The following NKAIN3 variants were observed in gnomAD, a reference collection of about 807,000 sequenced individuals.
The protein encoded by NKAIN3 is sodium/potassium-transporting ATPase subunit beta-1-interacting protein 3.
In NKAIN3, 25 loss-of-function variants were observed where a neutral mutation model predicts 30.2. The observed-to-expected ratio is 0.83, with a 90% CI of 0.60 to 1.16. NKAIN3 has a LOEUF of 1.16. NKAIN3 is among the 50% of genes most tolerant of loss of function. NKAIN3 has a pLI of 0.00. For synonymous variants in NKAIN3, 91 were observed against 89.6 expected (o/e 1.02, Z -0.09); for missense variants, 225 against 254.1 (o/e 0.89, Z 0.78).
At chr8:62,452,941 A>G (rs965487343) in intron 1 of NKAIN3, among the ~76,000 whole-genome samples, 6 of 152,196 alleles carry the variant, frequency 3.9e-5, no homozygotes, top group Non-Finnish European at 7.3e-5. Flanking sequence ...ATCACTCGGC[A>G]TAATGGATTC....
chr8:62,666,974 A>C (rs1457406057), intron 3 of NKAIN3, among the ~76,000 whole-genome samples: 1 of 152,070 alleles, frequency 6.6e-6, no homozygotes, highest in African/African-American at 2.4e-5. Context: ...AGGATATATA[A>C]AAAATTTAAC....
At chr8:62,812,529 C>A (rs1818522704) in intron 4 of NKAIN3, among the ~76,000 whole-genome samples, 1 of 151,732 alleles carries the variant, frequency 6.6e-6, no homozygotes, top group Non-Finnish European at 1.5e-5. Context: ...TTATAATTTA[C>A]AGCATAAAGA....
chr8:62,649,433 A>G (rs1263395951), intron 3 of NKAIN3, among the ~76,000 whole-genome samples: 1 of 152,188 alleles, frequency 6.6e-6, no homozygotes, highest in Non-Finnish European at 1.5e-5. Context: ...TGCTGGAACA[A>G]TTGGTAAAGA....
chr8:62,710,432 G>T (rs1586115444), intron 3 of NKAIN3, among the ~76,000 whole-genome samples: 2 of 152,024 alleles, frequency 1.3e-5, no homozygotes, highest in African/African-American at 4.8e-5. Context: ...TTAGGGTTTT[G>T]ATATTTTCCT....
At chr8:62,728,195 C>G (rs1815319484) in intron 3 of NKAIN3, among the ~76,000 whole-genome samples, 1 of 151,816 alleles carries the variant, frequency 6.6e-6, no homozygotes, top group African/African-American at 2.4e-5. Flanking sequence ...AAATGCAAAA[C>G]TATATACTCC....
intron 4 of NKAIN3, among the ~76,000 whole-genome samples, chr8:62,810,804 T>C (rs1206044610): frequency 6.6e-6 from 1 of 152,138 alleles, no homozygotes; most frequent in Non-Finnish European, 1.5e-5. Context: ...AGATTACTTT[T>C]AATTTCTTCC....
At chr8:62,960,353 CT>C (rs1456057542) in intron 6 of NKAIN3, among the ~76,000 whole-genome samples, 2 of 152,086 alleles carry the variant, frequency 1.3e-5, no homozygotes, top group African/African-American at 4.8e-5. Flanking sequence ...CACATAAAGC[CT>C]TTTTCCAAAA....
chr8:62,563,488 T>C (rs997620703), intron 1 of NKAIN3, among the ~76,000 whole-genome samples: 36 of 152,154 alleles, frequency 2.4e-4, no homozygotes, highest in Non-Finnish European at 5.9e-5. Context: ...ATCAGTGTCT[T>C]TAGTGCTGCT....
At chr8:62,870,606 T>C (rs1362400275) in intron 4 of NKAIN3, among the ~76,000 whole-genome samples, 1 of 140,398 alleles carries the variant, frequency 7.1e-6, no homozygotes, top group Non-Finnish European at 1.5e-5. Context: ...AACATATACA[T>C]ATACAATATA....
chr8:62,697,449 T>C (rs1814196623), intron 3 of NKAIN3, among the ~76,000 whole-genome samples: 1 of 152,218 alleles, frequency 6.6e-6, no homozygotes, highest in African/African-American at 2.4e-5. Flanking sequence ...AGTGTTACTT[T>C]CTCAATGAGA....
chr8:62,357,851 G>C lies in NKAIN3; in HGVS notation c.54+108724G>C, dbSNP rs549829641. 1.3e-3 allele frequency among the ~76,000 whole-genome samples: 199 copies of C among 152,180 alleles called. 1 individual carries two copies. Among genetic ancestry groups the C allele is most frequent in the African/African-American group, 4.7e-3 (194 of 41,514 alleles). Reference sequence around the variant, plus strand: ...TACACTCTTAAAATTGTAGTAAGTTGTAATATTTATTAGTTATAATTTATA... The same window carrying C: ...TACACTCTTAAAATTGTAGTAAGTTCTAATATTTATTAGTTATAATTTATA... On this transcript the variant is annotated intron_variant, in intron 1 of 6. Coordinates refer to ENST00000623646, the MANE Select transcript of NKAIN3 (RefSeq NM_001304533.3).
intron 2 of NKAIN3, among the ~76,000 whole-genome samples, chr8:62,580,128 A>T (rs1411955339): frequency 6.6e-6 from 1 of 152,162 alleles, no homozygotes; most frequent in Non-Finnish European, 1.5e-5. Flanking sequence ...TTTAATTTTA[A>T]TTGATTTAGG....
At chr8:62,668,911 G>T (rs1813213861) in intron 3 of NKAIN3, among the ~76,000 whole-genome samples, 1 of 152,096 alleles carries the variant, frequency 6.6e-6, no homozygotes. Flanking sequence ...TCATAACAAT[G>T]ACAAAGTAAA....
intron 1 of NKAIN3, among the ~76,000 whole-genome samples, chr8:62,379,467 A>G (rs1817200347): frequency 6.6e-6 from 1 of 152,210 alleles, no homozygotes; most frequent in African/African-American, 2.4e-5. Context: ...CTCAAATCTC[A>G]TCTTGAATTG....
At chr8:62,531,291 C>T (rs1239680892) in intron 1 of NKAIN3, among the ~76,000 whole-genome samples, 1 of 152,098 alleles carries the variant, frequency 6.6e-6, no homozygotes, top group Admixed American at 6.5e-5. Flanking sequence ...GTCTCATGTT[C>T]TTTCCTTTCC....
Position 62,976,936 on chromosome 8 carries a change from T to TTCA in NKAIN3, c.*11530_*11531insCAT, listed in dbSNP as rs1299443443. ...GTAAAGGATTTTATTTCTCCTTCAC[T>TTCA]TGTGAAGCTCAGTTTGGCTGGATAT... is the stretch of plus-strand genomic sequence containing the variant. On this transcript the variant is annotated 3_prime_UTR_variant, in exon 7 of 7. Transcript: ENST00000623646. 2.6e-5 allele frequency among the ~76,000 whole-genome samples: 4 copies of TTCA among 152,250 alleles called. No individual in the cohort carries two copies. The highest frequency in any genetic ancestry group is 5.9e-5 in the Non-Finnish European group (4 of 68,046).
chr8:62,886,602 T>A (rs1821155321), intron 4 of NKAIN3, among the ~76,000 whole-genome samples: 1 of 152,164 alleles, frequency 6.6e-6, no homozygotes, highest in Non-Finnish European at 1.5e-5. Flanking sequence ...AAGGGATAAT[T>A]TCACAGGGTG....
intron 3 of NKAIN3, among the ~76,000 whole-genome samples, chr8:62,670,093 T>C (rs1457184864): frequency 6.6e-6 from 1 of 152,032 alleles, no homozygotes; most frequent in Non-Finnish European, 1.5e-5. Flanking sequence ...GTCTATACCA[T>C]AAACAACAAC....
At chr8:62,935,308 T>A (rs940790564) in intron 5 of NKAIN3, among the ~76,000 whole-genome samples, 6 of 152,134 alleles carry the variant, frequency 3.9e-5, no homozygotes, top group African/African-American at 1.4e-4. Flanking sequence ...GAAATAACAG[T>A]TAATGAGAGT....
Sources: allele counts gnomAD v4.1 joint callset (sites outside exome capture counted in the v4.1 genomes callset), GRCh38; gene constraint gnomAD v4.1.1; transcripts MANE v1.5; gene names NCBI Gene and HGNC (gene_info 2026-07-23, HGNC 2026-07-21).